SLC16A10: variants seen among roughly 807,000 people sequenced by gnomAD.
SLC16A10 encodes the protein solute carrier family 16 member 10.
Under a neutral mutation model 40.0 loss-of-function variants are expected in SLC16A10, and 27 were observed. That is an observed-to-expected ratio of 0.67 (90% confidence interval 0.50 to 0.93). The LOEUF is 0.93. Among genes scored for constraint, SLC16A10 ranks in the 40% least tolerant of loss-of-function variants. The pLI, the probability that SLC16A10 is intolerant of heterozygous loss-of-function variation, is 0.00. For synonymous variants in SLC16A10, 213 were observed against 249.8 expected, an observed-to-expected ratio of 0.85 and a Z score of 1.39; for missense variants, 529 against 658.2, an observed-to-expected ratio of 0.80 and a Z score of 2.15.
intron 1 of SLC16A10, among the ~76,000 whole-genome samples, chr6:111,158,913 C>G (rs77835806): frequency 6.6e-6 from 1 of 151,524 alleles, no homozygotes; most frequent in African/African-American, 2.4e-5. Context: ...AGGCAAAACC[C>G]TGTCTCTACA....
intron 1 of SLC16A10, among the ~76,000 whole-genome samples, chr6:111,100,016 T>C (rs915431418): frequency 3.3e-5 from 4 of 120,542 alleles, no homozygotes; most frequent in African/African-American, 1.2e-4. Context: ...AGCAAGACCC[T>C]GTCTCAAAAA....
intron 1 of SLC16A10, among the ~76,000 whole-genome samples, chr6:111,100,959 C>CCT (rs71021825): frequency 4.7e-4 from 38 of 81,488 alleles, no homozygotes; most frequent in Admixed American, 5.5e-4. Flanking sequence ...TCTTTCTCTC[C>CCT]CTCTCTCTCT....
At chr6:111,101,945 T>G (rs1482723029) in intron 1 of SLC16A10, among the ~76,000 whole-genome samples, 1 of 152,214 alleles carries the variant, frequency 6.6e-6, no homozygotes, top group Non-Finnish European at 1.5e-5. Context: ...TATGTCAATA[T>G]TTGCTTTTGT....
At chr6:111,152,063 C>A (rs925999154) in intron 1 of SLC16A10, among the ~76,000 whole-genome samples, 1 of 152,178 alleles carries the variant, frequency 6.6e-6, no homozygotes, top group Non-Finnish European at 1.5e-5. Context: ...TTTCCACCCC[C>A]TCAGTAACTA....
At chr6:111,162,548 G>A (rs1041071291) in intron 1 of SLC16A10, among the ~76,000 whole-genome samples, 2 of 152,110 alleles carry the variant, frequency 1.3e-5, no homozygotes, top group African/African-American at 4.8e-5. Context: ...CACCCTTCCA[G>A]TCAAAGCCTT....
At chr6:111,092,616 G>A (rs1771000909) in intron 1 of SLC16A10, among the ~76,000 whole-genome samples, 1 of 151,724 alleles carries the variant, frequency 6.6e-6, no homozygotes, top group African/African-American at 2.4e-5. Flanking sequence ...GCCTGGCCAA[G>A]TTGTCTCTTT....
At chr6:111,220,405 C>T (rs951268903) in intron 5 of SLC16A10, among the ~76,000 whole-genome samples, 3 of 152,158 alleles carry the variant, frequency 2.0e-5, no homozygotes, top group Non-Finnish European at 4.4e-5. Flanking sequence ...TTCAGTATTA[C>T]TTGGGTGCCT....
rs1337487079 is a variant in SLC16A10, at chr6:111,229,778, C to A, written c.*7543C>A. On this transcript the variant is annotated 3_prime_UTR_variant, in exon 6 of 6. Transcript: ENST00000368851. ...ATTTATCAAGGGCTCTCAGCACCAT[C>A]GTTGGTCTGATTGTGTAACACCTAA... 3.9e-5 allele frequency: 6 copies of A among 152,224 alleles called. No individual in the cohort carries two copies. The Middle Eastern group carries it at 0.01, about 259-fold the overall frequency. The allele number at this position is 152,224 out of a possible 1,614,324, so 9.4% of individuals were successfully genotyped here. A position where few individuals can be genotyped will look rare whatever the true frequency, so the allele number is the denominator to read the frequency against.
chr6:111,142,820 C>CAA (rs1772007208), intron 1 of SLC16A10, among the ~76,000 whole-genome samples: 1 of 152,168 alleles, frequency 6.6e-6, no homozygotes, highest in Non-Finnish European at 1.5e-5. Context: ...CAGTTTCTTA[C>CAA]AAAATTAAAC....
intron 3 of SLC16A10, among the ~76,000 whole-genome samples, chr6:111,198,817 G>T (rs1773120643): frequency 6.6e-6 from 1 of 152,138 alleles, no homozygotes; most frequent in South Asian, 2.1e-4. Context: ...TTTATCACTA[G>T]ATCAGTCCAA....
intron 1 of SLC16A10, among the ~76,000 whole-genome samples, chr6:111,105,354 G>T (rs1464464970): frequency 6.6e-6 from 1 of 152,138 alleles, no homozygotes; most frequent in African/African-American, 2.4e-5. Context: ...AGTAAGTATA[G>T]ATTCTACTCT....
intron 1 of SLC16A10, among the ~76,000 whole-genome samples, chr6:111,112,336 G>A (rs1261458270): frequency 6.6e-6 from 1 of 152,152 alleles, no homozygotes; most frequent in African/African-American, 2.4e-5. Context: ...TGCCTGGCCA[G>A]TATTTGTATT....
chr6:111,163,278 A>C (rs1037111541), intron 1 of SLC16A10, among the ~76,000 whole-genome samples: 1 of 145,676 alleles, frequency 6.9e-6, no homozygotes, highest in South Asian at 2.2e-4. Context: ...TCAGCCTCCC[A>C]AGTAGCTGGG....
At chr6:111,212,900 G>T (rs1395532890) in intron 4 of SLC16A10, among the ~76,000 whole-genome samples, 1 of 152,094 alleles carries the variant, frequency 6.6e-6, no homozygotes, top group African/African-American at 2.4e-5. Context: ...GAAAAGCTTT[G>T]CAAAAGTTCC....
intron 4 of SLC16A10, among the ~76,000 whole-genome samples, chr6:111,210,120 A>G (rs368061904): frequency 6.6e-6 from 1 of 152,210 alleles, no homozygotes; most frequent in Non-Finnish European, 1.5e-5. Context: ...ACAGTCAACC[A>G]TTTATTGAGG....
At chr6:111,185,435 TGCTTCACAGCCAGG>T (rs1562425983) in intron 3 of SLC16A10, among the ~76,000 whole-genome samples, 1 of 152,218 alleles carries the variant, frequency 6.6e-6, no homozygotes, top group African/African-American at 2.4e-5. Context: ...ACTCAGAGCA[TGCTTCACAGCCAGG>T]GAGAAAACTC....
chr6:111,174,979 C>T (rs1170801084), intron 2 of SLC16A10, among the ~76,000 whole-genome samples: 1 of 152,116 alleles, frequency 6.6e-6, no homozygotes, highest in African/African-American at 2.4e-5. Flanking sequence ...GTAATATTCT[C>T]ATATATTCTA....
intron 4 of SLC16A10, among the ~76,000 whole-genome samples, chr6:111,209,105 G>A (rs1185362054): frequency 6.6e-5 from 10 of 152,138 alleles, no homozygotes; most frequent in Middle Eastern, 3.2e-3. Context: ...TATGCAGGAG[G>A]CTGAGGTGGG....
intron 1 of SLC16A10, among the ~76,000 whole-genome samples, chr6:111,141,698 A>G (rs1053323116): frequency 2.0e-5 from 3 of 152,202 alleles, no homozygotes; most frequent in Admixed American, 2.0e-4. Flanking sequence ...AGTACCATTT[A>G]CATTAGCACC....
Sources: allele counts gnomAD v4.1 joint callset (sites outside exome capture counted in the v4.1 genomes callset), GRCh38; gene constraint gnomAD v4.1.1; transcripts MANE v1.5; gene names NCBI Gene and HGNC (gene_info 2026-07-23, HGNC 2026-07-21).